The following TRIM44 variants were observed in gnomAD, a reference collection of about 807,000 sequenced individuals.
The protein encoded by TRIM44 is tripartite motif-containing protein 44.
TRIM44 carries 13 observed loss-of-function variants against 37.4 expected under a neutral mutation model. That is an observed-to-expected ratio of 0.35 (90% CI 0.23 to 0.55). TRIM44 has a LOEUF of 0.55. Among genes scored for constraint, TRIM44 ranks in the 20% least tolerant of loss-of-function variants. The pLI is 0.89. For synonymous variants in TRIM44, 175 were observed against 157.2 expected (o/e 1.11, Z -0.85); for missense variants, 426 against 437.2 (o/e 0.97, Z 0.23).
intron 4 of TRIM44, among the ~76,000 whole-genome samples, chr11:35,771,735 A>G (rs1219136021): frequency 1.3e-5 from 2 of 152,084 alleles, no homozygotes; most frequent in African/African-American, 2.4e-5. Context: ...AAAAAAGAAA[A>G]AAAAAAAAAA....
At chr11:35,690,405 G>A (rs1324811563) in intron 2 of TRIM44, among the ~76,000 whole-genome samples, 1 of 152,204 alleles carries the variant, frequency 6.6e-6, no homozygotes, top group Non-Finnish European at 1.5e-5. Context: ...AAATGTACAG[G>A]TAGTGATGAA....
chr11:35,770,603 G>A (rs1394205742), intron 4 of TRIM44, among the ~76,000 whole-genome samples: 2 of 152,090 alleles, frequency 1.3e-5, no homozygotes, highest in East Asian at 1.9e-4. Context: ...GTGTGAGATG[G>A]TATCTCATTG....
intron 2 of TRIM44, among the ~76,000 whole-genome samples, chr11:35,699,296 A>G (rs1433817286): frequency 2.0e-5 from 3 of 152,222 alleles, no homozygotes; most frequent in Admixed American, 1.3e-4. Context: ...GTCTGGTTCA[A>G]CATACGCAAA....
rs192825461 is a variant in TRIM44, at chr11:35,816,189, G to C, written c.*9804G>C. On this transcript the variant is annotated 3_prime_UTR_variant, in exon 5 of 5. Coordinates refer to ENST00000299413, the MANE Select transcript of TRIM44 (RefSeq NM_017583.6). ...CATGGATTCCAGGCACAAATTCTCA[G>C]ATTTCAGATGTTTGGGAAATTTCTC... The C allele has an allele frequency of 6.6e-6, 1 of 152,086 alleles. No individual in the cohort carries two copies. The highest frequency in any genetic ancestry group is 1.9e-4 in the East Asian group (1 of 5,172). 9.4% of individuals were successfully genotyped at this position (152,086 alleles called of 1,614,324 possible).
At chr11:35,686,192 A>G (rs538237101) in intron 2 of TRIM44, among the ~76,000 whole-genome samples, 15 of 152,064 alleles carry the variant, frequency 9.9e-5, no homozygotes, top group Non-Finnish European at 1.6e-4. Flanking sequence ...GGGAGACACC[A>G]TAACGGGGTG....
Position 35,813,971 on chromosome 11 carries a change from G to T in TRIM44, c.*7586G>T, listed in dbSNP as rs899257462. On this transcript the variant is annotated 3_prime_UTR_variant, in exon 5 of 5. Transcript: ENST00000299413. The stretch of plus-strand genomic sequence containing the variant: ...GCATATAATGGCATGAACAGTGGAG[G>T]TGCCAACTTTCCAATGTGATGAATA... 6.6e-6 allele frequency: 1 copy of T among 152,122 alleles called. No individual in the cohort carries two copies. The allele number at this position is 152,122 out of a possible 1,614,324, so 9.4% of individuals were successfully genotyped here. A position where few individuals can be genotyped will look rare whatever the true frequency, so the allele number is the denominator to read the frequency against.
rs35522287 is a variant in TRIM44, at chr11:35,665,586, G to GTTTTTTTTTTTTTTTTTTTTT, written c.669+1812_669+1832dup. Among the ~76,000 whole-genome samples, 3 of 71,518 alleles carry GTTTTTTTTTTTTTTTTTTTTT rather than the reference G, an allele frequency of 4.2e-5. 1 individual carries two copies. The allele number at this position is 71,518 out of a possible 152,430, so 46.9% of individuals were successfully genotyped here. ...TCATTATATGAGTTTTTATATATCT[G>GTTTTTTTTTTTTTTTTTTTTT]TTTTTTTTTTTTTTTTTTTTTTTTT... On this transcript the variant is annotated intron_variant, in intron 1 of 4. Transcript: ENST00000299413.
intron 2 of TRIM44, among the ~76,000 whole-genome samples, chr11:35,699,232 T>G (rs925144089): frequency 1.1e-4 from 17 of 152,232 alleles, no homozygotes; most frequent in Admixed American, 9.2e-4. Context: ...GCCTCCAGCT[T>G]TGTTCTTTTG....
intron 4 of TRIM44, among the ~76,000 whole-genome samples, chr11:35,803,925 T>C (rs1020302318): frequency 3.9e-5 from 6 of 151,912 alleles, no homozygotes; most frequent in Admixed American, 1.3e-4. Flanking sequence ...TCTTTTTCAT[T>C]ATTGTGAGAA....
At position 35,807,672 on chromosome 11, in the gene TRIM44, T is replaced by A. The variant is rs953472286; in HGVS notation, c.*1287T>A. On this transcript the variant is annotated 3_prime_UTR_variant, in exon 5 of 5. Transcript: ENST00000299413. ...GGTTTAGAGTCATAAGATGACCTAT[T>A]TTTATATAAAAGTTATATTATAGAA... is the stretch of plus-strand genomic sequence containing the variant. 1 of 152,232 alleles carries A rather than the reference T, an allele frequency of 6.6e-6. No homozygotes were observed. The highest frequency in any genetic ancestry group is 2.1e-4 in the South Asian group (1 of 4,830). 9.4% of individuals were successfully genotyped at this position (152,232 alleles called of 1,614,324 possible). A position where few individuals can be genotyped will look rare whatever the true frequency, so the allele number is the denominator to read the frequency against.
intron 2 of TRIM44, among the ~76,000 whole-genome samples, chr11:35,705,425 A>T (rs1358158590): frequency 1.3e-5 from 2 of 152,228 alleles, no homozygotes; most frequent in African/African-American, 4.8e-5. Context: ...ATAGACATCT[A>T]CAGAATTCTC....
rs766671740 is a variant in TRIM44 at position 35,663,609 on chromosome 11, A to C, written c.498A>C (p.Glu166Asp). The C allele has an allele frequency of 2.5e-6, 4 of 1,613,980 alleles. No individual in the cohort carries two copies. In the African/African-American group the frequency reaches 5.3e-5, roughly 22 times the overall value. Reference protein sequence around the residue: ...ETEAESEFDPEIEMEAERVAK... With the variant: ...ETEAESEFDPDIEMEAERVAK... ...AGGCAGAAAGTGAATTTGACCCAGA[A>C]ATAGAAATGGAAGCAGAGAGAGTGG... Residue 166 changes from glutamate to aspartate, a missense_variant, in exon 1 of 5, where the codon GAA becomes GAC. Around this residue, in one of 2 missense-constraint regions of TRIM44, gnomAD observed 331 missense variants for 303.0 expected, o/e 1.09. Transcript: ENST00000299413.
intron 4 of TRIM44, among the ~76,000 whole-genome samples, chr11:35,778,043 A>C (rs531714723): frequency 3.3e-5 from 5 of 152,280 alleles, no homozygotes; most frequent in East Asian, 1.9e-4. Flanking sequence ...TAAAATCCTG[A>C]AGAGTGTTTT....
chr11:35,669,820 TTTGTTGTTG>T (rs774338310), intron 1 of TRIM44, among the ~76,000 whole-genome samples: 1 of 151,726 alleles, frequency 6.6e-6, no homozygotes, highest in African/African-American at 2.4e-5. Flanking sequence ...TTGTTTGTTT[TTTGTTGTTG>T]TTGTTGTTGT....
intron 4 of TRIM44, among the ~76,000 whole-genome samples, chr11:35,783,640 A>G (rs752445535): frequency 6.6e-6 from 1 of 152,180 alleles, no homozygotes; most frequent in Non-Finnish European, 1.5e-5. Context: ...TCCAGAGGAA[A>G]TTAGGGACGC....
chr11:35,726,016 A>G lies in TRIM44; in HGVS notation c.840A>G (p.Leu280=). ...ATGAGGAGCAGAAGGCCCTTCATCT[A>G]GTGGACATCCAAGAGGCAATGGCCA... The part of the protein sequence containing the change: ...IADEEQKALH[L]VDIQEAMATA... The change falls in exon 3 of 5, where the codon CTA becomes CTG. Residue 280 remains leucine (L), a synonymous_variant. Coordinates refer to ENST00000299413, the MANE Select transcript of TRIM44 (RefSeq NM_017583.6). 1 of 1,614,126 alleles carries G rather than the reference A, an allele frequency of 6.2e-7. No individual in the cohort carries two copies. Among genetic ancestry groups the G allele is most frequent in the Non-Finnish European group, 8.5e-7 (1 of 1,180,016 alleles).
At chr11:35,665,586 GTTTTTTTTTTTT>G (rs35522287) in intron 1 of TRIM44, among the ~76,000 whole-genome samples, 2 of 71,518 alleles carry the variant, frequency 2.8e-5, no homozygotes, top group African/African-American at 5.7e-5. Context: ...TTATATATCT[GTTTTTTTTTTTT>G]TTTTTTTTTT....
At chr11:35,790,483 G>A (rs576619369) in intron 4 of TRIM44, among the ~76,000 whole-genome samples, 6 of 152,286 alleles carry the variant, frequency 3.9e-5, no homozygotes, top group South Asian at 2.1e-4. Context: ...TTGAGATTGG[G>A]TAGTGACATA....
rs1320495320 is a variant in TRIM44, at chr11:35,685,253, T to G, written c.670-6T>G. The G allele has an allele frequency of 1.2e-6, 2 of 1,613,904 alleles. No homozygotes were observed. Among genetic ancestry groups the G allele is most frequent in the African/African-American group, 2.7e-5 (2 of 74,954 alleles). On this transcript the variant is annotated splice_polypyrimidine_tract_variant and splice_region_variant and intron_variant, in intron 1 of 4. Coordinates refer to ENST00000299413, the MANE Select transcript of TRIM44 (RefSeq NM_017583.6). The stretch of plus-strand genomic sequence containing the variant: ...TCTAGTGACCCCTCACTTTTCTTTC[T>G]TCTAGAGCAAAGACTCAGGTGGACT...
Sources: allele counts gnomAD v4.1 joint callset (sites outside exome capture counted in the v4.1 genomes callset), GRCh38; gene constraint gnomAD v4.1.1; regional missense constraint gnomAD v4.1.1; transcripts MANE v1.5; gene names NCBI Gene and HGNC (gene_info 2026-07-23, HGNC 2026-07-21).